Variants in SLC7A5 observed in about 807,000 individuals in gnomAD.
SLC7A5 encodes large neutral amino acids transporter small subunit 1.
A neutral mutation model predicts 50.2 loss-of-function variants in SLC7A5; 23 were observed. That is an observed-to-expected ratio of 0.46 (90% CI 0.33 to 0.65). The LOEUF (loss-of-function observed/expected upper bound fraction) is 0.65. Ranked by LOEUF, SLC7A5 falls within the 30% of genes least tolerant of loss-of-function variation. SLC7A5 has a pLI of 0.02. For missense variants in SLC7A5, 578 were observed against 684.4 expected, an observed-to-expected ratio of 0.84 and a Z score of 1.73; for synonymous variants, 393 against 330.6, an observed-to-expected ratio of 1.19 and a Z score of -2.05.
In SLC7A5 at chr16:87,852,638, C is replaced by CTGTGTG. The variant is rs61164920; in HGVS notation, c.539-795_539-790dup. Among the ~76,000 whole-genome samples the CTGTGTG allele has an allele frequency of 0.065, 7,538 of 116,604 alleles. 309 individuals carry two copies. Among genetic ancestry groups the CTGTGTG allele is most frequent in the Non-Finnish European group, 0.073 (4,134 of 56,294 alleles). 76.5% of individuals were successfully genotyped at this position (116,604 alleles called of 152,430 possible). On this transcript the variant is annotated intron_variant, in intron 1 of 9. Transcript: ENST00000261622. The surrounding 1 kb of genome is among the most constrained non-coding windows in gnomAD (Gnocchi z 4.5). ...CTGTAAGGCACCCAGCTCTGAGCCTCTGTGTGTGTGTGTGTGTGTGTGTGT... is the reference window on the plus strand; with the variant it reads ...CTGTAAGGCACCCAGCTCTGAGCCTCTGTGTGTGTGTGTGTGTGTGTGTGTGTGTGT...
intron 7 of SLC7A5, chr16:87,837,554 C>T (rs1399378037): frequency 1.8e-5 from 8 of 452,308 alleles, no homozygotes; most frequent in South Asian, 7.9e-5. Context: ...TGGGCGCCCA[C>T]GGAGGTGCAG....
Position 87,834,466 on chromosome 16 carries a change from G to T in SLC7A5, c.1416C>A (p.Tyr472Ter). The T allele has an allele frequency of 6.4e-7, 1 of 1,568,650 alleles. No homozygotes were observed. The highest frequency in any genetic ancestry group is 1.2e-5 in the South Asian group (1 of 85,176). The change falls in exon 9 of 10, where the codon TAC becomes TAA. Residue 472 changes from tyrosine (Y) to a stop codon, truncating the protein, a stop_gained. Coordinates refer to ENST00000261622, the MANE Select transcript of SLC7A5 (RefSeq NM_003486.7). LOFTEE classifies it high-confidence loss of function. ...FTIILSGLPV[Y>*]FFGVWWKNKP... ...TGTTTTTCCACCAGACCCCGAAGAA[G>T]TAGACGGGCAGCCCGCTGAGGATGA...
intron 9 of SLC7A5, among the ~76,000 whole-genome samples, 155 bp downstream of exon 9, chr16:87,834,259 G>A (rs1030213845): frequency 3.3e-5 from 5 of 152,166 alleles, no homozygotes; most frequent in Admixed American, 1.3e-4. Context: ...TGAACCATGT[G>A]GGCTGCGTGT....
Position 87,841,267 on chromosome 16 carries a change from T to G in SLC7A5, c.665-112A>C. 1 of 741,190 alleles carries G rather than the reference T, an allele frequency of 1.3e-6. No homozygotes were observed. The highest frequency in any genetic ancestry group is 2.4e-6 in the Non-Finnish European group (1 of 412,530). The allele number at this position is 741,190 out of a possible 1,614,324, so 45.9% of individuals were successfully genotyped here. A position where few individuals can be genotyped will look rare whatever the true frequency, so the allele number is the denominator to read the frequency against. On this transcript the variant is annotated intron_variant, in intron 2 of 9. Coordinates refer to ENST00000261622, the MANE Select transcript of SLC7A5 (RefSeq NM_003486.7). The surrounding 1 kb of genome is among the most constrained non-coding windows in gnomAD (Gnocchi z 4.8). ...TACATAGCAAACAAAAATGCTGGAG[T>G]GAAGGCTTTTCACTGTGACAAATGG... is the stretch of plus-strand genomic sequence containing the variant.
At position 87,860,439 on chromosome 16, in the gene SLC7A5, G is replaced by A. The variant is rs560847690; in HGVS notation, c.538+8446C>T. Among the ~76,000 whole-genome samples the A allele has an allele frequency of 3.4e-4, 51 of 148,966 alleles. No individual in the cohort carries two copies. Among genetic ancestry groups the A allele is most frequent in the African/African-American group, 1.2e-3 (49 of 40,142 alleles). ...AAAAAGGAAATCTTCGAACCCACCT[G>A]TGACCAGGAAGCCCATCCCCGCCTT... On this transcript the variant is annotated intron_variant, in intron 1 of 9. Coordinates refer to ENST00000261622, the MANE Select transcript of SLC7A5 (RefSeq NM_003486.7). The surrounding 1 kb of genome is among the most constrained non-coding windows in gnomAD (Gnocchi z 4.8).
rs1398962685 is a variant in SLC7A5 at position 87,860,672 on chromosome 16, G to A, written c.538+8213C>T. On this transcript the variant is annotated intron_variant, in intron 1 of 9. Coordinates refer to ENST00000261622, the MANE Select transcript of SLC7A5 (RefSeq NM_003486.7). The surrounding 1 kb of genome is among the most constrained non-coding windows in gnomAD (Gnocchi z 4.8). The stretch of plus-strand genomic sequence containing the variant: ...ACATTTTACAGAGTCTGGCTTTCTC[G>A]TTAACAAGCAGCTCACACATACAGT... Among the ~76,000 whole-genome samples, 2 of 152,170 alleles carry A rather than the reference G, an allele frequency of 1.3e-5. No homozygotes were observed. Among genetic ancestry groups the A allele is most frequent in the Admixed American group, 6.5e-5 (1 of 15,280 alleles).
rs1165555177 is a variant in SLC7A5, at chr16:87,869,426, C to T, written c.-4G>A. On this transcript the variant is annotated 5_prime_UTR_variant, in exon 1 of 10. Transcript: ENST00000261622. ...GCTTCGGGCCCGCACCCGCCATGCT[C>T]TGCGCACCGGCCGGGCCTGGGACAC... 6.8e-7 allele frequency: 1 copy of T among 1,464,012 alleles called. No homozygotes were observed. Among genetic ancestry groups the T allele is most frequent in the Non-Finnish European group, 8.9e-7 (1 of 1,119,262 alleles). 90.7% of individuals were successfully genotyped at this position (1,464,012 alleles called of 1,614,324 possible). A position where few individuals can be genotyped will look rare whatever the true frequency, so the allele number is the denominator to read the frequency against.
At chr16:87,846,780 G>A (rs946158291) in intron 2 of SLC7A5, among the ~76,000 whole-genome samples, 5 of 152,320 alleles carry the variant, frequency 3.3e-5, no homozygotes, top group South Asian at 2.1e-4. Flanking sequence ...GGCCTGCTCC[G>A]CTCTTGCTGT....
At chr16:87,837,583 G>T in intron 7 of SLC7A5, 1 of 491,800 alleles carries the variant, frequency 2.0e-6, no homozygotes, top group Non-Finnish European at 3.7e-6. Context: ...GCGGCTGGCA[G>T]AGCAGCACCC....
At position 87,860,352 on chromosome 16, in the gene SLC7A5, A is replaced by G. The variant is rs1179764261; in HGVS notation, c.539-8503T>C. On this transcript the variant is annotated intron_variant, in intron 1 of 9. Transcript: ENST00000261622. This position sits in a 1 kb window ranked among gnomAD's most constrained non-coding sequence, Gnocchi z 4.8. ...AAAAAAAAAAAAAATACACACACAC[A>G]CACACACACACACACACACACACAC... Among the ~76,000 whole-genome samples, 1 of 47,616 alleles carries G rather than the reference A, an allele frequency of 2.1e-5. No homozygotes were observed. Among genetic ancestry groups the G allele is most frequent in the Non-Finnish European group, 5.3e-5 (1 of 18,814 alleles). 31.2% of individuals were successfully genotyped at this position (47,616 alleles called of 152,430 possible).
chr16:87,866,378 C>T (rs1263431299), intron 1 of SLC7A5, among the ~76,000 whole-genome samples: 2 of 152,222 alleles, frequency 1.3e-5, no homozygotes, highest in African/African-American at 4.8e-5. Flanking sequence ...CAGGCAGGAG[C>T]TCAGTGGCAC....
chr16:87,846,205 G>A (rs1457723316), intron 2 of SLC7A5, among the ~76,000 whole-genome samples: 1 of 152,224 alleles, frequency 6.6e-6, no homozygotes, highest in African/African-American at 2.4e-5. Context: ...TGAGCGCAAT[G>A]TCCTGTCTGT....
chr16:87,846,523 G>C (rs1197778206), intron 2 of SLC7A5, among the ~76,000 whole-genome samples: 2 of 152,210 alleles, frequency 1.3e-5, no homozygotes, highest in Admixed American at 6.5e-5. Context: ...ACAGATTAAG[G>C]GTAAGTGGGG....
Position 87,841,070 on chromosome 16 carries a change from G to A in SLC7A5, c.750C>T (p.Gly250=), listed in dbSNP as rs144846777. ...CCTACCATCCTCCATAGGCAAAGAG[G>A]CCGCTGTATAATGCCAGCACAATGT... The part of the protein sequence containing the change: ...VGNIVLALYS[G]LFAYGGWNYL... Residue 250 remains glycine (G), a synonymous_variant, in exon 3 of 10, where the codon GGC becomes GGT. Coordinates refer to ENST00000261622, the MANE Select transcript of SLC7A5 (RefSeq NM_003486.7). The surrounding 1 kb of genome is among the most constrained non-coding windows in gnomAD (Gnocchi z 4.8). 2.4e-5 allele frequency: 39 copies of A among 1,613,412 alleles called. No individual in the cohort carries two copies. The African/African-American group carries it at 4.1e-4, about 17-fold the overall frequency.
chr16:87,846,454 C>G (rs115915719), intron 2 of SLC7A5, among the ~76,000 whole-genome samples: 1 of 152,234 alleles, frequency 6.6e-6, no homozygotes, highest in South Asian at 2.1e-4. Context: ...TCCTGTCCCC[C>G]AAAACTCAGA....
chr16:87,835,839 G>C (rs2054995952), intron 8 of SLC7A5, among the ~76,000 whole-genome samples: 1 of 152,238 alleles, frequency 6.6e-6, no homozygotes, highest in Admixed American at 6.5e-5. Context: ...CACAGAGGGA[G>C]AGATGGTCCG....
chr16:87,861,084 C>T lies in SLC7A5; in HGVS notation c.538+7801G>A, dbSNP rs975602558. Among the ~76,000 whole-genome samples the T allele has an allele frequency of 1.3e-5, 2 of 152,194 alleles. No homozygotes were observed. The highest frequency in any genetic ancestry group is 6.5e-5 in the Admixed American group (1 of 15,294). ...TGCCACAGGGCCTCTGGGGAGCGTG[C>T]GGGCACACAGTACCAATCTGCATGC... On this transcript the variant is annotated intron_variant, in intron 1 of 9. Transcript: ENST00000261622. The surrounding 1 kb of genome is among the most constrained non-coding windows in gnomAD (Gnocchi z 4.2).
chr16:87,834,729 C>T, intron 8 of SLC7A5, 138 bp from the exon 9 acceptor site: 1 of 850,900 alleles, frequency 1.2e-6, no homozygotes, highest in East Asian at 2.7e-5. Context: ...GATCTGCACT[C>T]CATCTGCCTC....
chr16:87,851,935 A>G, intron 1 of SLC7A5, 86 bp from the exon 2 acceptor site: 2 of 1,499,902 alleles, frequency 1.3e-6, no homozygotes, highest in Non-Finnish European at 1.8e-6. Flanking sequence ...CCCCACCCCC[A>G]CCCCAGGGCC....
Sources: allele counts gnomAD v4.1 joint callset (sites outside exome capture counted in the v4.1 genomes callset), GRCh38; gene constraint gnomAD v4.1.1; non-coding constraint Gnocchi (gnomAD v3.1); transcripts MANE v1.5; gene names NCBI Gene and HGNC (gene_info 2026-07-23, HGNC 2026-07-21).